The following DNER variants were observed in gnomAD, a reference collection of about 807,000 sequenced individuals.
DNER encodes the protein delta/notch like EGF repeat containing.
In DNER, 33 loss-of-function variants were observed where a neutral mutation model predicts 78.2. The ratio of observed to expected loss-of-function variants is 0.42; its 90% confidence interval spans 0.32 to 0.56. DNER has a LOEUF of 0.56. Ranked by LOEUF, DNER falls within the 20% of genes least tolerant of loss-of-function variation. The probability of loss-of-function intolerance (pLI) is 0.11; values close to 1 mark genes in which losing one functional copy is unlikely to be tolerated. For missense variants in DNER, 918 were observed against 975.3 expected (o/e 0.94, Z 0.78); for synonymous variants, 417 against 384.8 (o/e 1.08, Z -0.98).
intron 1 of DNER, among the ~76,000 whole-genome samples, chr2:229,593,528 A>G (rs1697647464): frequency 1.3e-5 from 2 of 152,206 alleles, no homozygotes; most frequent in South Asian, 4.1e-4. Flanking sequence ...CAGGTATTTT[A>G]TCTACTGTGT....
At chr2:229,546,368 G>A (rs1304046645) in intron 5 of DNER, among the ~76,000 whole-genome samples, 3 of 152,218 alleles carry the variant, frequency 2.0e-5, no homozygotes, top group Non-Finnish European at 2.9e-5. Context: ...TTAAGTTTAT[G>A]AGCAAGGAAT....
chr2:229,622,043 G>A (rs969231305), intron 1 of DNER, among the ~76,000 whole-genome samples: 14 of 152,140 alleles, frequency 9.2e-5, no homozygotes, highest in South Asian at 6.2e-4. Flanking sequence ...CCGAGATCGC[G>A]CCGCTGCCCT....
chr2:229,455,047 T>G (rs1356831989), intron 7 of DNER, among the ~76,000 whole-genome samples: 1 of 152,120 alleles, frequency 6.6e-6, no homozygotes, highest in African/African-American at 2.4e-5. Flanking sequence ...AGAAAAGGAA[T>G]GCCAGACTTA....
rs1037633762 is a variant in DNER, at chr2:229,527,844, C to T, written c.994-14908G>A. ...GGGATGGGGAATGATTATGTATTCA[C>T]GAGTATTTCTGGCTAAAATTGACAT... On this transcript the variant is annotated intron_variant, in intron 5 of 12. Transcript: ENST00000341772. 4.6e-5 allele frequency among the ~76,000 whole-genome samples: 7 copies of T among 152,236 alleles called. No homozygotes were observed. In the East Asian group the frequency reaches 1.2e-3, roughly 25 times the overall value.
rs1212333418 is a variant in DNER, at chr2:229,388,379, C to T, written c.1741G>A (p.Asp581Asn). ...GGGTTACTGTCACATTCATTTATGT[C>T]AATGTCGCACTCTTCACCTAGGGAG... The part of the protein sequence containing the change: ...PGFTGEECDI[D>N]INECDSNPCH... The change falls in exon 11 of 13, where the codon GAC becomes AAC. Residue 581 changes from aspartate to asparagine, a missense_variant. Physicochemically the swap from Asp to Asn is conservative, Grantham distance 23 (BLOSUM62 1). Transcript: ENST00000341772. The T allele has an allele frequency of 1.3e-5, 21 of 1,610,354 alleles. No individual in the cohort carries two copies. Among genetic ancestry groups the T allele is most frequent in the Non-Finnish European group, 1.7e-5 (20 of 1,178,224 alleles).
At chr2:229,702,904 G>A (rs943828072) in intron 1 of DNER, among the ~76,000 whole-genome samples, 2 of 121,192 alleles carry the variant, frequency 1.7e-5, no homozygotes, top group Non-Finnish European at 3.2e-5. Flanking sequence ...GGGACACAGC[G>A]AGACTCCGCC....
intron 5 of DNER, among the ~76,000 whole-genome samples, chr2:229,527,385 C>CT (rs1288317906): frequency 6.6e-6 from 1 of 152,212 alleles, no homozygotes; most frequent in African/African-American, 2.4e-5. Flanking sequence ...GAATGATCTA[C>CT]TATTCTCACT....
At chr2:229,537,065 C>T (rs1296479384) in intron 5 of DNER, among the ~76,000 whole-genome samples, 3 of 152,040 alleles carry the variant, frequency 2.0e-5, no homozygotes, top group Non-Finnish European at 2.9e-5. Context: ...GTGTAAGGTC[C>T]GTGGTCCCCA....
chr2:229,445,708 C>T (rs1391342802), intron 8 of DNER, among the ~76,000 whole-genome samples: 1 of 152,144 alleles, frequency 6.6e-6, no homozygotes, highest in African/African-American at 2.4e-5. Flanking sequence ...GCCAGCTTCC[C>T]TACGGATTTT....
chr2:229,381,368 A>G (rs1692732255), intron 11 of DNER, among the ~76,000 whole-genome samples: 1 of 152,186 alleles, frequency 6.6e-6, no homozygotes, highest in South Asian at 2.1e-4. Flanking sequence ...ACACTGAGCT[A>G]GCTGCAGGAG....
intron 1 of DNER, among the ~76,000 whole-genome samples, chr2:229,646,093 C>T (rs576087384): frequency 1.4e-4 from 22 of 152,298 alleles, no homozygotes; most frequent in East Asian, 7.7e-4. Context: ...CTTTTGGCAG[C>T]TCCCTCTCTG....
At chr2:229,670,426 G>A (rs968869949) in intron 1 of DNER, among the ~76,000 whole-genome samples, 4 of 152,200 alleles carry the variant, frequency 2.6e-5, no homozygotes, top group Non-Finnish European at 5.9e-5. Flanking sequence ...GAAGACCTCG[G>A]AGGAAACTGG....
chr2:229,460,459 A>AT (rs1173920166), intron 7 of DNER, among the ~76,000 whole-genome samples: 7 of 151,982 alleles, frequency 4.6e-5, no homozygotes, highest in African/African-American at 1.7e-4. Flanking sequence ...ATAAATTATT[A>AT]TTTCTTTTTA....
At chr2:229,685,234 T>A (rs1231637198) in intron 1 of DNER, among the ~76,000 whole-genome samples, 1 of 127,144 alleles carries the variant, frequency 7.9e-6, no homozygotes, top group Non-Finnish European at 1.7e-5. Flanking sequence ...TTTAAAAGTT[T>A]TAGAATTATT....
At chr2:229,398,899 A>G (rs897810454) in intron 10 of DNER, among the ~76,000 whole-genome samples, 6 of 152,052 alleles carry the variant, frequency 3.9e-5, no homozygotes, top group Admixed American at 3.9e-4. Flanking sequence ...GTTATCAGCA[A>G]ACTAGGAATA....
intron 8 of DNER, among the ~76,000 whole-genome samples, chr2:229,418,572 G>A (rs1383882078): frequency 6.6e-6 from 1 of 152,096 alleles, no homozygotes; most frequent in East Asian, 1.9e-4. Flanking sequence ...TAGTGAATGA[G>A]CAGGATTTAC....
intron 4 of DNER, among the ~76,000 whole-genome samples, chr2:229,578,349 C>T (rs1471747907): frequency 6.6e-6 from 1 of 152,162 alleles, no homozygotes. Flanking sequence ...CAAAATGGAA[C>T]AGGAGGGCAG....
intron 5 of DNER, among the ~76,000 whole-genome samples, chr2:229,534,328 T>C (rs1696364230): frequency 1.3e-5 from 2 of 151,954 alleles, no homozygotes; most frequent in African/African-American, 4.8e-5. Context: ...GACCAATAGA[T>C]TGTAATGTAA....
At chr2:229,373,422 G>A (rs566058070) in intron 11 of DNER, among the ~76,000 whole-genome samples, 5 of 152,198 alleles carry the variant, frequency 3.3e-5, no homozygotes, top group South Asian at 4.2e-4. Flanking sequence ...TCAGAATGGC[G>A]ATGATTAAAA....
Sources: allele counts gnomAD v4.1 joint callset (sites outside exome capture counted in the v4.1 genomes callset), GRCh38; gene constraint gnomAD v4.1.1; transcripts MANE v1.5; gene names NCBI Gene and HGNC (gene_info 2026-07-23, HGNC 2026-07-21).